The following FBLN2 variants were observed in gnomAD, a reference collection of about 807,000 sequenced individuals.
FBLN2 encodes fibulin 2.
FBLN2 carries 81 observed loss-of-function variants against 123.7 expected under a neutral mutation model. That is an observed-to-expected ratio of 0.65 (90% confidence interval 0.55 to 0.79). FBLN2 has a LOEUF of 0.79. Among genes scored for constraint, FBLN2 ranks in the 30% least tolerant of loss-of-function variants. FBLN2 has a pLI of 0.00. For synonymous variants in FBLN2, 699 were observed against 701.4 expected (o/e 1.00, Z 0.05); for missense variants, 1,603 against 1,681.3 (o/e 0.95, Z 0.81).
chr3:13,622,795 C>T (rs140480586), intron 9 of FBLN2, among the ~76,000 whole-genome samples: 103 of 152,326 alleles, frequency 6.8e-4, no homozygotes, highest in South Asian at 6.4e-3. Flanking sequence ...TGGTCCCAAA[C>T]GGAGATAGAC....
chr3:13,624,571 G>A (rs1705960331), intron 9 of FBLN2, among the ~76,000 whole-genome samples: 1 of 152,200 alleles, frequency 6.6e-6, no homozygotes, highest in South Asian at 2.1e-4. Context: ...GTGAGTTTGG[G>A]AGGGTCTCTT....
At chr3:13,559,914 C>T (rs1353705574) in intron 1 of FBLN2, among the ~76,000 whole-genome samples, 1 of 152,158 alleles carries the variant, frequency 6.6e-6, no homozygotes, top group African/African-American at 2.4e-5. Flanking sequence ...ATGGGTGTGC[C>T]TCCTTCTAGG....
chr3:13,622,112 G>A (rs748694742), intron 9 of FBLN2, among the ~76,000 whole-genome samples, 197 bp downstream of exon 9: 1 of 152,204 alleles, frequency 6.6e-6, no homozygotes, highest in Non-Finnish European at 1.5e-5. Flanking sequence ...TCCACCCGGA[G>A]GCTGCTTTCC....
chr3:13,573,398 A>G (rs934728407), intron 2 of FBLN2, among the ~76,000 whole-genome samples: 2 of 151,926 alleles, frequency 1.3e-5, no homozygotes, highest in African/African-American at 2.4e-5. Context: ...CCTGACCCCC[A>G]GGAGGAGTCA....
chr3:13,549,519 C>T (rs957185006), intron 1 of FBLN2, among the ~76,000 whole-genome samples: 1 of 151,898 alleles, frequency 6.6e-6, no homozygotes, highest in Admixed American at 6.5e-5. Flanking sequence ...CTCTGGGTTT[C>T]ACTTCTCCCC....
chr3:13,550,229 CAG>C (rs2125028052), intron 1 of FBLN2, among the ~76,000 whole-genome samples: 1 of 152,320 alleles, frequency 6.6e-6, no homozygotes, highest in South Asian at 2.1e-4. Flanking sequence ...TTCCTCCTGA[CAG>C]AGGCTGCTTA....
At position 13,637,602 on chromosome 3, in the gene FBLN2, C is replaced by T. The variant is rs753511415; in HGVS notation, c.3379C>T (p.Gln1127Ter). Reference sequence around the variant, plus strand: ...CACGTGCCATGACTTCCTGGAGTGCCAGAACTCGCCAGCGCGCATCACGCA... The same window carrying T: ...CACGTGCCATGACTTCCTGGAGTGCTAGAACTCGCCAGCGCGCATCACGCA... ...RTTCHDFLEC[Q>*]NSPARITHYQ... The change falls in exon 18 of 18, where the codon CAG becomes TAG. Residue 1127 changes from glutamine (Q) to a stop codon, truncating the protein, a stop_gained. Coordinates refer to ENST00000404922, the MANE Select transcript of FBLN2 (RefSeq NM_001004019.2). LOFTEE classifies it high-confidence loss of function. 1 of 1,612,938 alleles carries T rather than the reference C, an allele frequency of 6.2e-7. No individual in the cohort carries two copies. Among genetic ancestry groups the T allele is most frequent in the Non-Finnish European group, 8.5e-7 (1 of 1,179,180 alleles).
intron 9 of FBLN2, among the ~76,000 whole-genome samples, chr3:13,622,698 G>A (rs187056894): frequency 6.6e-6 from 1 of 152,334 alleles, no homozygotes; most frequent in Admixed American, 6.5e-5. Context: ...TGGGCCAGGC[G>A]CCGTGGCTCT....
chr3:13,564,895 G>A (rs1326391309), intron 1 of FBLN2, among the ~76,000 whole-genome samples: 2 of 152,192 alleles, frequency 1.3e-5, no homozygotes, highest in Non-Finnish European at 2.9e-5. Context: ...TGGTAGGTTG[G>A]GGCCCAGCCC....
At position 13,629,156 on chromosome 3, in the gene FBLN2, C is replaced by T. The variant is rs750118909; in HGVS notation, c.2714-8C>T. ...CAGGCCTCAAGGTACCCTGCTCACC[C>T]CCCACAGACGTGAATGAGTGTGAGA... On this transcript the variant is annotated splice_region_variant and splice_polypyrimidine_tract_variant and intron_variant, in intron 12 of 17. Transcript: ENST00000404922. 10 of 1,612,828 alleles carry T rather than the reference C, an allele frequency of 6.2e-6. No individual in the cohort carries two copies. The Admixed American group carries it at 1.3e-4, about 22-fold the overall frequency.
intron 8 of FBLN2, among the ~76,000 whole-genome samples, chr3:13,620,403 G>A (rs1269015093): frequency 1.3e-5 from 2 of 152,196 alleles, no homozygotes; most frequent in African/African-American, 2.4e-5. Context: ...CCGATGGGGA[G>A]TGGGAGGGAG....
chr3:13,582,559 A>G (rs1040727694), intron 2 of FBLN2, among the ~76,000 whole-genome samples: 1 of 152,152 alleles, frequency 6.6e-6, no homozygotes, highest in Non-Finnish European at 1.5e-5. Flanking sequence ...ATGCTGGGAA[A>G]GTGGGCTTGG....
chr3:13,557,546 G>C (rs977816016), intron 1 of FBLN2, among the ~76,000 whole-genome samples: 3 of 152,216 alleles, frequency 2.0e-5, no homozygotes, highest in Non-Finnish European at 4.4e-5. Context: ...CATACTCCCA[G>C]GCAGGCTCTG....
intron 2 of FBLN2, among the ~76,000 whole-genome samples, chr3:13,600,063 G>C (rs1301259552): frequency 6.9e-6 from 1 of 145,750 alleles, no homozygotes; most frequent in Non-Finnish European, 1.5e-5. Context: ...GAGAGAGAGC[G>C]ATAGAGAGAG....
At chr3:13,616,430 C>G (rs1559420651) in intron 5 of FBLN2, among the ~76,000 whole-genome samples, 1 of 152,168 alleles carries the variant, frequency 6.6e-6, no homozygotes, top group Non-Finnish European at 1.5e-5. Context: ...TACTGTCTAG[C>G]CTGTGGTGTG....
chr3:13,600,222 C>T (rs1354501551), intron 2 of FBLN2, among the ~76,000 whole-genome samples: 3 of 152,040 alleles, frequency 2.0e-5, no homozygotes, highest in African/African-American at 7.2e-5. Flanking sequence ...ACTCACTCAT[C>T]GTGCTGGGCT....
intron 5 of FBLN2, among the ~76,000 whole-genome samples, chr3:13,615,502 A>G (rs1705567582): frequency 6.6e-6 from 1 of 152,212 alleles, no homozygotes; most frequent in African/African-American, 2.4e-5. Context: ...CTTGGTTGGA[A>G]TCCTAGTTCC....
chr3:13,604,569 G>A (rs1334714179), intron 2 of FBLN2, among the ~76,000 whole-genome samples: 2 of 152,034 alleles, frequency 1.3e-5, no homozygotes, highest in African/African-American at 2.4e-5. Flanking sequence ...TTTCTGAGCC[G>A]GCCTCCTTTT....
Position 13,604,167 on chromosome 3 carries a change from C to G in FBLN2, c.1307-3895C>G, listed in dbSNP as rs534166252. Among the ~76,000 whole-genome samples, 62 of 152,284 alleles carry G rather than the reference C, an allele frequency of 4.1e-4. 1 individual carries two copies. The highest frequency in any genetic ancestry group is 1.4e-3 in the African/African-American group (58 of 41,550). ...CAGATGGGTAGATTGCAAAAATTTT[C>G]TCCCATTCTGTAGGTTCCCTGTTCA... is the stretch of plus-strand genomic sequence containing the variant. On this transcript the variant is annotated intron_variant, in intron 2 of 17. Coordinates refer to ENST00000404922, the MANE Select transcript of FBLN2 (RefSeq NM_001004019.2).
Sources: gnomAD v4.1 joint callset for allele counts (sites outside exome capture counted in the v4.1 genomes callset) on GRCh38, gnomAD v4.1.1 for gene constraint, MANE v1.5 for transcripts, NCBI Gene and HGNC (gene_info 2026-07-23, HGNC 2026-07-21) for gene names.